ANKRD10: variants seen among roughly 807,000 people sequenced by gnomAD.
ANKRD10 encodes ankyrin repeat domain 10.
ANKRD10 carries 14 observed loss-of-function variants against 27.0 expected under a neutral mutation model. That is an observed-to-expected ratio of 0.52 (90% CI 0.34 to 0.81). The LOEUF (loss-of-function observed/expected upper bound fraction) is 0.81, where lower values mean the gene tolerates loss of function less well. Ranked by LOEUF, ANKRD10 falls within the 40% of genes least tolerant of loss-of-function variation. The pLI, the probability that ANKRD10 is intolerant of heterozygous loss-of-function variation, is 0.01. For missense variants in ANKRD10, 493 were observed against 544.0 expected, an observed-to-expected ratio of 0.91 and a Z score of 0.93; for synonymous variants, 250 against 224.5, an observed-to-expected ratio of 1.11 and a Z score of -1.01.
rs1209467951 is a variant in ANKRD10 at position 110,897,382 on chromosome 13, C to T, written c.456-4119G>A. On this transcript the variant is annotated intron_variant, in intron 3 of 5. Transcript: ENST00000267339. ...CAAGTGATCCTCCCACCTCAGACTC[C>T]TAAAGCACCGAGATTAGAGGCATGA... is the stretch of plus-strand genomic sequence containing the variant. Among the ~76,000 whole-genome samples the T allele has an allele frequency of 2.0e-5, 3 of 150,104 alleles. No individual in the cohort carries two copies. The Admixed American group carries it at 2.0e-4, about 10-fold the overall frequency.
chr13:110,911,417 A>G (rs1268212938), intron 1 of ANKRD10, among the ~76,000 whole-genome samples: 2 of 151,356 alleles, frequency 1.3e-5, no homozygotes, highest in South Asian at 2.1e-4. Flanking sequence ...ACGCCACTGC[A>G]CTCCAACCTG....
intron 2 of ANKRD10, 60 bp from the exon 3 acceptor site, chr13:110,906,184 A>G (rs2065527032): frequency 3.8e-6 from 5 of 1,326,930 alleles, no homozygotes; most frequent in Non-Finnish European, 5.2e-6. Flanking sequence ...ACATTTTGGA[A>G]GTAATGTCAT....
At chr13:110,905,998 T>C in intron 3 of ANKRD10, 35 bp downstream of exon 3, 2 of 1,543,226 alleles carry the variant, frequency 1.3e-6, no homozygotes, top group Non-Finnish European at 1.8e-6. Context: ...CTCAACTACA[T>C]CTTTAGCTGG....
rs1303638672 is a variant in ANKRD10, at chr13:110,910,741, C to T, written c.240G>A (p.Ala80=). 3 of 1,614,058 alleles carry T rather than the reference C, an allele frequency of 1.9e-6. No individual in the cohort carries two copies. The highest frequency in any genetic ancestry group is 2.2e-5 in the South Asian group (2 of 91,072). The change falls in exon 2 of 6, where the codon GCG becomes GCA. Residue 80 remains alanine (A), a synonymous_variant. Coordinates refer to ENST00000267339, the MANE Select transcript of ANKRD10 (RefSeq NM_017664.4). The part of the protein sequence containing the change: ...KLECLVQLVR[A]GATLNVSTTR... ...TGGTGGAGACGTTGAGTGTGGCTCCCGCTCTCACCAACTGCACTAAGCACT... is the reference window on the plus strand; with the variant it reads ...TGGTGGAGACGTTGAGTGTGGCTCCTGCTCTCACCAACTGCACTAAGCACT...
chr13:110,905,388 C>G (rs1218439946), intron 3 of ANKRD10, among the ~76,000 whole-genome samples: 1 of 152,160 alleles, frequency 6.6e-6, no homozygotes, highest in Admixed American at 6.5e-5. Context: ...ATTGTCCTAT[C>G]AAAGCATAAA....
chr13:110,884,409 A>T (rs1231793255), intron 4 of ANKRD10, among the ~76,000 whole-genome samples: 1 of 152,176 alleles, frequency 6.6e-6, no homozygotes. Context: ...GGAGATGCGA[A>T]TGCCCCATGT....
chr13:110,901,518 C>G (rs74899630), intron 3 of ANKRD10, among the ~76,000 whole-genome samples: 42,383 of 152,152 alleles, frequency 0.28, 7,027 homozygotes, highest in Non-Finnish European at 0.38. Flanking sequence ...AAAGCACTAC[C>G]TATAAAAGTA....
chr13:110,910,792 T>C, intron 1 of ANKRD10, 22 bp from the exon 2 acceptor site: 1 of 1,609,170 alleles, frequency 6.2e-7, no homozygotes, highest in Non-Finnish European at 8.5e-7. Flanking sequence ...AGAGGGGTAA[T>C]GAAAACACGC....
intron 4 of ANKRD10, among the ~76,000 whole-genome samples, chr13:110,887,538 A>T (rs2064964075): frequency 6.6e-6 from 1 of 152,196 alleles, no homozygotes; most frequent in South Asian, 2.1e-4. Context: ...CTTTACATAA[A>T]AAACCAAAAA....
At chr13:110,899,651 T>C (rs572678211) in intron 3 of ANKRD10, among the ~76,000 whole-genome samples, 39 of 152,208 alleles carry the variant, frequency 2.6e-4, no homozygotes, top group Non-Finnish European at 4.9e-4. Context: ...GAAACTACGA[T>C]GACTGTGCTT....
At position 110,914,814 on chromosome 13, in the gene ANKRD10, G is replaced by A; in HGVS notation, c.121C>T (p.Leu41=). 6.3e-7 allele frequency: 1 copy of A among 1,590,330 alleles called. No homozygotes were observed. The highest frequency in any genetic ancestry group is 8.6e-7 in the Non-Finnish European group (1 of 1,169,304). The part of the protein sequence containing the change: ...RDGDLATLCS[L]LQQTPHAHLA... ...TGGGCGTGGGGTGTCTGCTGCAGCA[G>A]CGAGCAGAGCGTGGCCAGGTCCCCG... The change falls in exon 1 of 6, where the codon CTG becomes TTG. Residue 41 remains leucine, a synonymous_variant. Coordinates refer to ENST00000267339, the MANE Select transcript of ANKRD10 (RefSeq NM_017664.4).
intron 3 of ANKRD10, among the ~76,000 whole-genome samples, chr13:110,902,520 C>T (rs563960298): frequency 4.3e-4 from 66 of 152,248 alleles, no homozygotes; most frequent in African/African-American, 1.4e-3. Flanking sequence ...GCCAACTGTG[C>T]CTACTTCCTA....
At position 110,893,167 on chromosome 13, in the gene ANKRD10, A is replaced by C; in HGVS notation, c.552T>G (p.His184Gln). Residue 184 changes from histidine (H) to glutamine (Q), a missense_variant, in exon 4 of 6, where the codon CAT (histidine) becomes CAG (glutamine). Transcript: ENST00000267339. Reference sequence around the variant, plus strand: ...TGCCATTGTTATAGAAATGGTTCAGATGACAATTCTGGAGGTTCAAGAGAA... The same window carrying C: ...TGCCATTGTTATAGAAATGGTTCAGCTGACAATTCTGGAGGTTCAAGAGAA... ...AQFLLNLQNCHLNHFYNNGIL... is the reference protein window; with the variant it reads ...AQFLLNLQNCQLNHFYNNGIL... 1 of 1,614,228 alleles carries C rather than the reference A, an allele frequency of 6.2e-7. No individual in the cohort carries two copies. The highest frequency in any genetic ancestry group is 8.5e-7 in the Non-Finnish European group (1 of 1,180,026).
chr13:110,891,906 TCTCA>T (rs1435360508), intron 4 of ANKRD10, among the ~76,000 whole-genome samples: 4 of 142,826 alleles, frequency 2.8e-5, no homozygotes, highest in Admixed American at 7.3e-5. Flanking sequence ...AGAGACAAGG[TCTCA>T]CTATGTTGCC....
At chr13:110,890,804 G>T (rs1418757433) in intron 4 of ANKRD10, among the ~76,000 whole-genome samples, 1 of 70,632 alleles carries the variant, frequency 1.4e-5, no homozygotes, top group African/African-American at 4.6e-5. Flanking sequence ...AGGCTGCATG[G>T]TGAGTTTAAT....
intron 1 of ANKRD10, among the ~76,000 whole-genome samples, chr13:110,914,166 C>T (rs1055222277): frequency 6.6e-6 from 1 of 152,164 alleles, no homozygotes; most frequent in African/African-American, 2.4e-5. Flanking sequence ...CGCCGGGGCG[C>T]TTGCTCCTCG....
At position 110,885,505 on chromosome 13, in the gene ANKRD10, G is replaced by A. The variant is rs181863854; in HGVS notation, c.692-1712C>T. 3.0e-3 allele frequency among the ~76,000 whole-genome samples: 449 copies of A among 151,928 alleles called. 1 individual carries two copies. Among genetic ancestry groups the A allele is most frequent in the Middle Eastern group, 6.8e-3 (2 of 294 alleles). Reference sequence around the variant, plus strand: ...GGAGGTTGCATTGAACAGAGATTGCGCCACTGCCCTCCAGCCTGGTGACAG... The same window carrying A: ...GGAGGTTGCATTGAACAGAGATTGCACCACTGCCCTCCAGCCTGGTGACAG... On this transcript the variant is annotated intron_variant, in intron 4 of 5. Transcript: ENST00000267339.
At chr13:110,904,933 C>T (rs1311204709) in intron 3 of ANKRD10, 4 of 152,154 alleles carry the variant, frequency 2.6e-5, no homozygotes, top group South Asian at 2.1e-4. Context: ...TACCTACACA[C>T]GTCGTGCATT....
chr13:110,900,980 A>G (rs2065365965), intron 3 of ANKRD10, among the ~76,000 whole-genome samples: 1 of 152,226 alleles, frequency 6.6e-6, no homozygotes, highest in Non-Finnish European at 1.5e-5. Context: ...TCAATATTTC[A>G]ACATAAGTTT....
Sources: allele counts gnomAD v4.1 joint callset (sites outside exome capture counted in the v4.1 genomes callset), GRCh38; gene constraint gnomAD v4.1.1; transcripts MANE v1.5; gene names NCBI Gene and HGNC (gene_info 2026-07-23, HGNC 2026-07-21).